The following DYM variants were observed in gnomAD, a reference collection of about 807,000 sequenced individuals.
DYM encodes the protein dyggve-Melchior-Clausen syndrome protein.
Under a neutral mutation model 93.1 loss-of-function variants are expected in DYM, and 78 were observed. The observed-to-expected ratio is 0.84, with a 90% CI of 0.70 to 1.01. The LOEUF (loss-of-function observed/expected upper bound fraction) is 1.01. DYM is among the 50% of genes least tolerant of loss of function. The pLI is 0.00. For missense variants in DYM, 789 were observed against 845.0 expected (o/e 0.93, Z 0.82); for synonymous variants, 321 against 319.7 (o/e 1.00, Z -0.04).
At chr18:49,329,833 T>A (rs2146783015) in intron 8 of DYM, 1 of 152,384 alleles carries the variant, frequency 6.6e-6, no homozygotes, top group South Asian at 2.1e-4. Flanking sequence ...GAGTTTATAA[T>A]TTACATTTGG....
intron 17 of DYM, among the ~76,000 whole-genome samples, chr18:49,068,118 C>T (rs2076613989): frequency 6.6e-6 from 1 of 152,182 alleles, no homozygotes; most frequent in African/African-American, 2.4e-5. Flanking sequence ...TTTTTTGAGG[C>T]TGCTTTGAGA....
intron 15 of DYM, among the ~76,000 whole-genome samples, chr18:49,141,705 T>C (rs964430558): frequency 3.9e-5 from 6 of 152,244 alleles, no homozygotes; most frequent in South Asian, 2.1e-4. Flanking sequence ...TCTTGCATTA[T>C]GTCCCTGTTA....
intron 13 of DYM, among the ~76,000 whole-genome samples, chr18:49,247,780 T>C (rs1404415822): frequency 6.6e-6 from 1 of 152,220 alleles, no homozygotes; most frequent in African/African-American, 2.4e-5. Context: ...TAGCAATTTT[T>C]TGAATAGGTA....
intron 11 of DYM, among the ~76,000 whole-genome samples, chr18:49,265,173 A>G (rs1337111045): frequency 2.0e-5 from 3 of 152,318 alleles, no homozygotes; most frequent in Non-Finnish European, 2.9e-5. Context: ...AAATGCTTCT[A>G]TGAGCCCAAG....
At chr18:49,087,512 C>T (rs2078653512) in intron 17 of DYM, among the ~76,000 whole-genome samples, 1 of 152,108 alleles carries the variant, frequency 6.6e-6, no homozygotes, top group South Asian at 2.1e-4. Flanking sequence ...GCCTGTTTAT[C>T]AAGAATGATT....
At chr18:49,220,108 T>C (rs2093285082) in intron 13 of DYM, among the ~76,000 whole-genome samples, 1 of 152,002 alleles carries the variant, frequency 6.6e-6, no homozygotes, top group African/African-American at 2.4e-5. Flanking sequence ...TATACACCAA[T>C]AACAGACAAA....
At chr18:49,260,858 G>GA (rs76130038) in intron 11 of DYM, among the ~76,000 whole-genome samples, 169 of 135,220 alleles carry the variant, frequency 1.2e-3, no homozygotes, top group Middle Eastern at 3.7e-3. Flanking sequence ...ATCTCCGGGA[G>GA]AAAAAAAAAA....
At chr18:49,366,424 A>T (rs1265675090) in intron 5 of DYM, among the ~76,000 whole-genome samples, 1 of 152,248 alleles carries the variant, frequency 6.6e-6, no homozygotes, top group Non-Finnish European at 1.5e-5. Context: ...GTCTTTGCAA[A>T]GATTCAGTGT....
chr18:49,298,489 G>A (rs536155890), intron 8 of DYM, among the ~76,000 whole-genome samples: 59 of 151,550 alleles, frequency 3.9e-4, no homozygotes, highest in Non-Finnish European at 7.5e-4. Flanking sequence ...GCTGAGACAG[G>A]AGAATTGCTT....
chr18:49,177,582 T>C (rs1349246878), intron 14 of DYM, among the ~76,000 whole-genome samples: 1 of 152,182 alleles, frequency 6.6e-6, no homozygotes, highest in Non-Finnish European at 1.5e-5. Context: ...ATGCCTTTTT[T>C]CAACACCTAT....
intron 1 of DYM, among the ~76,000 whole-genome samples, chr18:49,459,706 A>C (rs1428356084): frequency 2.6e-5 from 4 of 151,718 alleles, no homozygotes; most frequent in African/African-American, 9.7e-5. Context: ...TCACTTCTCT[A>C]CCCCTGTTCA....
intron 5 of DYM, among the ~76,000 whole-genome samples, chr18:49,370,631 T>C (rs138896435): frequency 0.011 from 1,657 of 152,036 alleles, 15 homozygotes; most frequent in Non-Finnish European, 0.017. Flanking sequence ...CTGGACATGG[T>C]GGCATGCGCC....
chr18:49,319,020 T>C (rs2062248734), intron 8 of DYM, among the ~76,000 whole-genome samples: 1 of 152,056 alleles, frequency 6.6e-6, no homozygotes, highest in Admixed American at 6.6e-5. Flanking sequence ...TTGGCCAGGC[T>C]GGTCTTGAAC....
intron 3 of DYM, among the ~76,000 whole-genome samples, chr18:49,384,089 C>A (rs1024343147): frequency 6.6e-6 from 1 of 151,968 alleles, no homozygotes; most frequent in Non-Finnish European, 1.5e-5. Context: ...TTTCAGAGGC[C>A]AAGGTGAGAG....
chr18:49,361,430 T>C (rs925906242), intron 6 of DYM, among the ~76,000 whole-genome samples: 3 of 152,224 alleles, frequency 2.0e-5, no homozygotes, highest in Non-Finnish European at 4.4e-5. Flanking sequence ...CAATTATATC[T>C]CCATGTAGAC....
At chr18:49,341,508 AAAAAAAAAAT>A in intron 6 of DYM, among the ~76,000 whole-genome samples, 2 of 146,884 alleles carry the variant, frequency 1.4e-5, no homozygotes, top group Non-Finnish European at 1.5e-5. Context: ...AAAAAAAAAA[AAAAAAAAAAT>A]GATAAAATGA....
intron 15 of DYM, among the ~76,000 whole-genome samples, chr18:49,145,313 T>C (rs923901150): frequency 6.6e-6 from 1 of 151,756 alleles, no homozygotes; most frequent in Non-Finnish European, 1.5e-5. Flanking sequence ...CTTTAAGGTA[T>C]AGCCTACTAG....
intron 8 of DYM, among the ~76,000 whole-genome samples, chr18:49,311,252 G>C (rs1429882382): frequency 2.0e-5 from 3 of 152,162 alleles, no homozygotes; most frequent in Non-Finnish European, 4.4e-5. Flanking sequence ...TGCCAGTTAC[G>C]ATGGTCACTG....
At chr18:49,441,786 C>G (rs898029055) in intron 1 of DYM, among the ~76,000 whole-genome samples, 1 of 151,922 alleles carries the variant, frequency 6.6e-6, no homozygotes, top group African/African-American at 2.4e-5. Context: ...GGCTAAAGAG[C>G]GAGAGACAGG....
Sources: allele counts gnomAD v4.1 joint callset (sites outside exome capture counted in the v4.1 genomes callset), GRCh38; gene constraint gnomAD v4.1.1; transcripts MANE v1.5; gene names NCBI Gene and HGNC (gene_info 2026-07-23, HGNC 2026-07-21).